Variants in RTTN observed in about 807,000 individuals in gnomAD.
RTTN encodes rotatin.
RTTN carries 182 observed loss-of-function variants against 269.2 expected under a neutral mutation model. The ratio of observed to expected loss-of-function variants is 0.68; its 90% CI spans 0.60 to 0.76. The LOEUF is 0.76. RTTN is among the 30% of genes least tolerant of loss of function. The pLI, the probability that RTTN is intolerant of heterozygous loss-of-function variation, is 0.00. For synonymous variants in RTTN, 1,006 were observed against 963.5 expected (o/e 1.04, Z -0.82); for missense variants, 2,545 against 2,608.6 (o/e 0.98, Z 0.53).
intron 14 of RTTN, among the ~76,000 whole-genome samples, chr18:70,165,497 T>C (rs184385396): frequency 1.3e-5 from 2 of 151,978 alleles, no homozygotes; most frequent in East Asian, 3.9e-4. Flanking sequence ...ACACTTATTA[T>C]AACCAAATAG....
At chr18:70,079,676 A>T (rs1599424635) in intron 32 of RTTN, among the ~76,000 whole-genome samples, 1 of 152,234 alleles carries the variant, frequency 6.6e-6, no homozygotes, top group East Asian at 1.9e-4. Flanking sequence ...TGCCAGAGAG[A>T]GCTGAGAAGG....
rs550130775 is a variant in RTTN, at chr18:70,205,328, G to A, written c.32-13C>T. On this transcript the variant is annotated splice_polypyrimidine_tract_variant and intron_variant, in intron 1 of 48. Transcript: ENST00000640769. ...GCCAGCTGATGACCTGTCAACGAAC[G>A]GCACAAAACTATTTTATTTCCCGAC... The A allele has an allele frequency of 7.4e-6, 12 of 1,612,924 alleles. No individual in the cohort carries two copies. Among genetic ancestry groups the A allele is most frequent in the Admixed American group, 3.3e-5 (2 of 59,960 alleles).
intron 14 of RTTN, among the ~76,000 whole-genome samples, chr18:70,164,712 G>A (rs1040003982): frequency 6.6e-6 from 1 of 152,132 alleles, no homozygotes; most frequent in African/African-American, 2.4e-5. Flanking sequence ...GGTCTAATAA[G>A]AGTTCCACTT....
In RTTN at chr18:70,140,143, T is replaced by C; in HGVS notation, c.2627A>G (p.Lys876Arg). 1 of 1,602,238 alleles carries C rather than the reference T, an allele frequency of 6.2e-7. No homozygotes were observed. The highest frequency in any genetic ancestry group is 8.5e-7 in the Non-Finnish European group (1 of 1,169,990). The change falls in exon 20 of 49, where the codon AAA becomes AGA. Residue 876 changes from lysine (K) to arginine (R), a missense_variant. Transcript: ENST00000640769. The stretch of plus-strand genomic sequence containing the variant: ...ACATTCATTTAAATACTCAATTATT[T>C]TGTCAATTAAGCATAACTTTTTCAC... ...AVVKKLCLID[K>R]IIEYLNECVS...
rs1471609284 is a variant in RTTN at position 70,020,109 on chromosome 18, G to A, written c.6153+506C>T. Among the ~76,000 whole-genome samples, 4 of 152,104 alleles carry A rather than the reference G, an allele frequency of 2.6e-5. No homozygotes were observed. The East Asian group carries it at 7.7e-4, about 29-fold the overall frequency. ...TTACATCCCTTTTAAATTACCTTAA[G>A]TTAAAATCAGTGATGAGAAGTCTAG... On this transcript the variant is annotated intron_variant, in intron 45 of 48. Transcript: ENST00000640769.
Position 70,048,082 on chromosome 18 carries a change from G to C in RTTN, c.5430C>G (p.Leu1810=). ...ATAAATGTGTTTTGCTCTTAGCCTG[G>C]AGATGCCCTTTTGCTTCTTCGGTCA... ...VLLTEEAKGH[L]QAKSKTHLCC... is the part of the protein sequence containing the mutation. The change falls in exon 40 of 49, where the codon CTC becomes CTG. Residue 1810 remains leucine, a synonymous_variant. Transcript: ENST00000640769. The C allele has an allele frequency of 6.2e-7, 1 of 1,614,130 alleles. No homozygotes were observed. Among genetic ancestry groups the C allele is most frequent in the Non-Finnish European group, 8.5e-7 (1 of 1,179,998 alleles).
intron 26 of RTTN, among the ~76,000 whole-genome samples, chr18:70,115,030 A>C (rs1599623482): frequency 6.6e-6 from 1 of 152,074 alleles, no homozygotes; most frequent in East Asian, 1.9e-4. Flanking sequence ...CATTAGTTTA[A>C]TATCTGATTG....
At chr18:70,073,694 G>A (rs1001886270) in intron 34 of RTTN, among the ~76,000 whole-genome samples, 45 of 152,252 alleles carry the variant, frequency 3.0e-4, no homozygotes, top group African/African-American at 1.1e-3. Context: ...ACTTCAGAGT[G>A]GCTTGCGCAC....
At chr18:70,130,676 G>A (rs1485407105) in intron 23 of RTTN, 1 of 151,774 alleles carries the variant, frequency 6.6e-6, no homozygotes, top group Non-Finnish European at 1.5e-5. Context: ...GATGGCTAAT[G>A]GGTACATAAA....
At chr18:70,168,165 T>C (rs911700001) in intron 12 of RTTN, among the ~76,000 whole-genome samples, 8 of 151,978 alleles carry the variant, frequency 5.3e-5, no homozygotes, top group Non-Finnish European at 1.0e-4. Context: ...GATTCTACTG[T>C]AGGCACCAAA....
intron 4 of RTTN, among the ~76,000 whole-genome samples, chr18:70,201,413 TAAAAAA>T: frequency 6.9e-6 from 1 of 144,438 alleles, no homozygotes; most frequent in Non-Finnish European, 1.5e-5. Flanking sequence ...CCATCCCGGC[TAAAAAA>T]AAAACGGTGA....
intron 17 of RTTN, 86 bp from the exon 18 acceptor site, chr18:70,145,869 T>C: frequency 9.7e-7 from 1 of 1,028,294 alleles, no homozygotes; most frequent in Non-Finnish European, 1.4e-6. Context: ...TAATTATATA[T>C]CAACAAAGTA....
chr18:70,021,088 G>T, intron 44 of RTTN: 1 of 306,002 alleles, frequency 3.3e-6, no homozygotes, highest in Non-Finnish European at 6.0e-6. Flanking sequence ...GTTTTTAATA[G>T]TTGCTAAAGA....
chr18:70,055,190 C>T (rs1215772890), intron 37 of RTTN, among the ~76,000 whole-genome samples: 1 of 151,986 alleles, frequency 6.6e-6, no homozygotes, highest in African/African-American at 2.4e-5. Flanking sequence ...GAATATGTAA[C>T]AATTAAAGAA....
chr18:70,205,543 C>T, intron 1 of RTTN, 85 bp downstream of exon 1: 1 of 1,566,686 alleles, frequency 6.4e-7, no homozygotes, highest in South Asian at 1.1e-5. Flanking sequence ...GCGGAGCGGC[C>T]GGCCGCGGAA....
chr18:70,176,655 A>G lies in RTTN; in HGVS notation c.1476+20T>C, dbSNP rs1243058887. The G allele has an allele frequency of 1.9e-6, 3 of 1,605,272 alleles. No individual in the cohort carries two copies. The highest frequency in any genetic ancestry group is 2.6e-6 in the Non-Finnish European group (3 of 1,175,246). On this transcript the variant is annotated intron_variant, in intron 11 of 48. Coordinates refer to ENST00000640769, the MANE Select transcript of RTTN (RefSeq NM_173630.4). ...TATAATAGTCTGTAAAGTACAAATGAGCAGCATTGCCTGCCTTACCTTTTC... is the reference window on the plus strand; with the variant it reads ...TATAATAGTCTGTAAAGTACAAATGGGCAGCATTGCCTGCCTTACCTTTTC...
intron 14 of RTTN, among the ~76,000 whole-genome samples, chr18:70,162,330 G>C (rs1309136548): frequency 1.3e-5 from 2 of 152,118 alleles, no homozygotes; most frequent in Non-Finnish European, 2.9e-5. Flanking sequence ...TACAAAGATG[G>C]GAACAACAGA....
chr18:70,088,947 T>G (rs1217187557), intron 30 of RTTN, among the ~76,000 whole-genome samples: 1 of 152,222 alleles, frequency 6.6e-6, no homozygotes, highest in African/African-American at 2.4e-5. Context: ...TTTTTTGCAT[T>G]TAATTTAATT....
chr18:70,131,147 A>C (rs1342095192), intron 23 of RTTN: 1 of 1,768 alleles, frequency 5.7e-4, no homozygotes, highest in Non-Finnish European at 0.022. Flanking sequence ...TTTTTAGATT[A>C]AAAAAAAAAA....
Sources: gnomAD v4.1 joint callset for allele counts (sites outside exome capture counted in the v4.1 genomes callset) on GRCh38, gnomAD v4.1.1 for gene constraint, MANE v1.5 for transcripts, NCBI Gene and HGNC (gene_info 2026-07-23, HGNC 2026-07-21) for gene names.